Variants in ZNF638 observed in about 807,000 individuals in gnomAD.
ZNF638 encodes the protein zinc finger protein 638, also known as CTCL tumor antigen se33-1.
In ZNF638, 46 loss-of-function variants were observed where a neutral mutation model predicts 195.6. The observed-to-expected ratio is 0.24, with a 90% CI of 0.19 to 0.30. The LOEUF (loss-of-function observed/expected upper bound fraction) is 0.30, where lower values mean the gene tolerates loss of function less well. Ranked by LOEUF, ZNF638 falls within the 10% of genes least tolerant of loss-of-function variation. The probability of loss-of-function intolerance (pLI) is 1.00; values close to 1 mark genes in which losing one functional copy is unlikely to be tolerated. For missense variants in ZNF638, 2,440 were observed against 2,325.3 expected, an observed-to-expected ratio of 1.05 and a Z score of -1.01; for synonymous variants, 845 against 772.0, an observed-to-expected ratio of 1.09 and a Z score of -1.57.
Position 71,342,385 on chromosome 2 carries a change from C to T in ZNF638, c.-202-6368C>T, listed in dbSNP as rs138904199. ...TCAAATTCCCTTCATCTACCACCAC[C>T]ACCGCCCCTTGCCCCACTACACATG... On this transcript the variant is annotated intron_variant, in intron 1 of 27. Coordinates refer to ENST00000264447, the MANE Select transcript of ZNF638 (RefSeq NM_014497.5). 9.1e-3 allele frequency among the ~76,000 whole-genome samples: 1,377 copies of T among 152,154 alleles called. 11 individuals carry two copies. Among genetic ancestry groups the T allele is most frequent in the Middle Eastern group, 0.024 (7 of 294 alleles).
At chr2:71,428,447 G>A (rs1333580425) in intron 24 of ZNF638, 100 bp from the exon 25 acceptor site, 3 of 1,005,744 alleles carry the variant, frequency 3.0e-6, no homozygotes, top group Non-Finnish European at 2.8e-6. Context: ...GGTATTTTTT[G>A]CAAAAATGTA....
At chr2:71,337,123 C>T (rs2078683324) in intron 1 of ZNF638, among the ~76,000 whole-genome samples, 1 of 151,286 alleles carries the variant, frequency 6.6e-6, no homozygotes, top group African/African-American at 2.4e-5. Context: ...CTGCCTCTTG[C>T]CATATTGCCT....
chr2:71,371,116 T>G (rs1335423598), intron 8 of ZNF638, among the ~76,000 whole-genome samples: 1 of 152,200 alleles, frequency 6.6e-6, no homozygotes, highest in Admixed American at 6.5e-5. Flanking sequence ...TGTGCCTGGC[T>G]TATTTCACTT....
chr2:71,430,353 C>G (rs1407306697), intron 25 of ZNF638, among the ~76,000 whole-genome samples: 3 of 152,094 alleles, frequency 2.0e-5, no homozygotes, highest in Non-Finnish European at 2.9e-5. Context: ...TTGTTTTAAC[C>G]ATCAAGTTAA....
chr2:71,424,691 T>G lies in ZNF638; in HGVS notation c.4566T>G (p.Thr1522=). The change falls in exon 23 of 28, where the codon ACT becomes ACG. Residue 1522 remains threonine, a synonymous_variant. Coordinates refer to ENST00000264447, the MANE Select transcript of ZNF638 (RefSeq NM_014497.5). ...EQNTKNPKST[T]GRSSKSKEEP... ...ACACTAAGAATCCTAAAAGCACTAC[T>G]GGTAGAAGTTCCAAATCTAAAGAGG... The G allele has an allele frequency of 1.2e-6, 2 of 1,613,578 alleles. No homozygotes were observed. The highest frequency in any genetic ancestry group is 1.7e-6 in the Non-Finnish European group (2 of 1,179,770).
rs1165321567 is a variant in ZNF638 at position 71,336,648 on chromosome 2, GT to G, written c.-203+4776del. Among the ~76,000 whole-genome samples, 3 of 152,238 alleles carry G rather than the reference GT, an allele frequency of 2.0e-5. No individual in the cohort carries two copies. The East Asian group carries it at 5.8e-4, about 29-fold the overall frequency. ...AGCAGCATTCCCAATGGGTACTGTT[GT>G]TTCATTTTCACAGGATGAAACAGGC... On this transcript the variant is annotated intron_variant, in intron 1 of 27. Coordinates refer to ENST00000264447, the MANE Select transcript of ZNF638 (RefSeq NM_014497.5).
chr2:71,404,009 C>A lies in ZNF638; in HGVS notation c.2958+11C>A. 6.3e-7 allele frequency: 1 copy of A among 1,597,020 alleles called. No individual in the cohort carries two copies. Among genetic ancestry groups the A allele is most frequent in the Non-Finnish European group, 8.5e-7 (1 of 1,173,954 alleles). ...AATATAAAAGATGAGGTAAATCAGA[C>A]CACCATTTTTACTAGCTCTTACTAA... On this transcript the variant is annotated intron_variant, in intron 17 of 27. Coordinates refer to ENST00000264447, the MANE Select transcript of ZNF638 (RefSeq NM_014497.5).
At chr2:71,392,677 C>T (rs1266699390) in intron 10 of ZNF638, among the ~76,000 whole-genome samples, 1 of 152,118 alleles carries the variant, frequency 6.6e-6, no homozygotes, top group Non-Finnish European at 1.5e-5. Context: ...CCAAGCCACC[C>T]AGTCGCTTCA....
chr2:71,338,211 G>A (rs1437693609), intron 1 of ZNF638, among the ~76,000 whole-genome samples: 3 of 152,114 alleles, frequency 2.0e-5, no homozygotes, highest in Non-Finnish European at 4.4e-5. Context: ...ATTTACCTCT[G>A]TAACACCCAC....
In ZNF638 at chr2:71,349,031, G is replaced by T; in HGVS notation, c.77G>T (p.Arg26Met). ...CGAGCACCTAACCCTTCTGGGATGAGGCCTCCAGGACCATTTATGAGGCCT... is the reference window on the plus strand; with the variant it reads ...CGAGCACCTAACCCTTCTGGGATGATGCCTCCAGGACCATTTATGAGGCCT... Reference protein sequence around the residue: ...RPRAPNPSGMRPPGPFMRPGS... With the variant: ...RPRAPNPSGMMPPGPFMRPGS... Residue 26 changes from arginine (R) to methionine (M), a missense_variant, in exon 2 of 28, where the codon AGG becomes ATG. Coordinates refer to ENST00000264447, the MANE Select transcript of ZNF638 (RefSeq NM_014497.5). 6.2e-7 allele frequency: 1 copy of T among 1,614,160 alleles called. No individual in the cohort carries two copies. Among genetic ancestry groups the T allele is most frequent in the Non-Finnish European group, 8.5e-7 (1 of 1,180,026 alleles).
At chr2:71,369,059 G>T (rs1196396213) in intron 7 of ZNF638, among the ~76,000 whole-genome samples, 1 of 152,192 alleles carries the variant, frequency 6.6e-6, no homozygotes, top group African/African-American at 2.4e-5. Flanking sequence ...TTAAGGCTGG[G>T]CGTGTTGGCT....
chr2:71,417,700 G>T (rs2080330953), intron 20 of ZNF638, among the ~76,000 whole-genome samples: 1 of 150,334 alleles, frequency 6.7e-6, no homozygotes. Flanking sequence ...TCTCCTTAAT[G>T]GAAAGCTGCT....
At chr2:71,386,849 TTTTTTTTC>T (rs2079650974) in intron 10 of ZNF638, among the ~76,000 whole-genome samples, 1 of 151,948 alleles carries the variant, frequency 6.6e-6, no homozygotes, top group East Asian at 1.9e-4. Context: ...ATAAGATGCC[TTTTTTTTC>T]TTTTTTTCTT....
intron 18 of ZNF638, 76 bp from the exon 19 acceptor site, chr2:71,406,048 TAGTA>T: frequency 1.3e-6 from 2 of 1,519,584 alleles, no homozygotes; most frequent in Admixed American, 1.8e-5. Context: ...ACCTCTGTAA[TAGTA>T]AGTTAATGTT....
At chr2:71,431,774 A>C (rs891072574) in intron 26 of ZNF638, among the ~76,000 whole-genome samples, 3 of 150,198 alleles carry the variant, frequency 2.0e-5, no homozygotes, top group South Asian at 2.1e-4. Flanking sequence ...AAAAAAAAAA[A>C]CAAAAACACC....
chr2:71,410,189 G>C (rs935327240), intron 20 of ZNF638, among the ~76,000 whole-genome samples: 1 of 152,054 alleles, frequency 6.6e-6, no homozygotes. Flanking sequence ...TTTTCTGTTT[G>C]TTTGTTTTAA....
At position 71,427,371 on chromosome 2, in the gene ZNF638, T is replaced by C. The variant is rs1280829879; in HGVS notation, c.5502T>C (p.Val1834=). ...AAGTGGGTCCAGTAAATGAGAATGT[T>C]ATGGAAGAAGATCTAAAAACCATGA... is the stretch of plus-strand genomic sequence containing the variant. The part of the protein sequence containing the change: ...LSQVGPVNEN[V]MEEDLKTMIE... The change falls in exon 24 of 28, where the codon GTT becomes GTC. Residue 1834 remains valine, a synonymous_variant. Coordinates refer to ENST00000264447, the MANE Select transcript of ZNF638 (RefSeq NM_014497.5). 1 of 1,586,740 alleles carries C rather than the reference T, an allele frequency of 6.3e-7. No individual in the cohort carries two copies. The highest frequency in any genetic ancestry group is 8.5e-7 in the Non-Finnish European group (1 of 1,172,738).
At chr2:71,395,233 T>C (rs1280436306) in intron 10 of ZNF638, 3 of 717,318 alleles carry the variant, frequency 4.2e-6, no homozygotes, top group African/African-American at 1.7e-5. Context: ...TCTTATGTTA[T>C]TTACTAATTC....
At chr2:71,418,489 ATTT>A in intron 20 of ZNF638, 110 bp from the exon 21 acceptor site, 1 of 714,822 alleles carries the variant, frequency 1.4e-6, no homozygotes, top group African/African-American at 2.2e-5. Flanking sequence ...GCTTTGATAC[ATTT>A]TTAAGGTTTT....
Sources: gnomAD v4.1 joint callset for allele counts (sites outside exome capture counted in the v4.1 genomes callset) on GRCh38, gnomAD v4.1.1 for gene constraint, MANE v1.5 for transcripts, NCBI Gene and HGNC (gene_info 2026-07-23, HGNC 2026-07-21) for gene names.